KAZN: variants seen among roughly 807,000 people sequenced by gnomAD.
The protein encoded by KAZN is kazrin, periplakin interacting protein, also known as kazrin.
Under a neutral mutation model 87.4 loss-of-function variants are expected in KAZN, and 40 were observed. The observed-to-expected ratio is 0.46, with a 90% CI of 0.36 to 0.60. The LOEUF (loss-of-function observed/expected upper bound fraction) is 0.60, where lower values mean the gene tolerates loss of function less well. Among genes scored for constraint, KAZN ranks in the 20% least tolerant of loss-of-function variants. KAZN has a pLI of 0.00. For synonymous variants in KAZN, 466 were observed against 458.3 expected (o/e 1.02, Z -0.22); for missense variants, 898 against 1,073.9 (o/e 0.84, Z 2.29).
In KAZN at chr1:13,969,460, A is replaced by G. The variant is rs562275374; in HGVS notation, c.91+75704A>G. 1.4e-4 allele frequency among the ~76,000 whole-genome samples: 22 copies of G among 152,320 alleles called. No individual in the cohort carries two copies. The East Asian group carries it at 4.2e-3, about 29-fold the overall frequency. On this transcript the variant is annotated intron_variant, in intron 1 of 16. Coordinates refer to the KAZN transcript ENST00000636203. ...TGCCTCTACAAGCCAAGGAATGTCA[A>G]CCATTACCAGCAAACCACTGGAAGC...
Position 13,982,385 on chromosome 1 carries a change from C to T in KAZN, c.91+88629C>T, listed in dbSNP as rs147552195. 9.6e-3 allele frequency among the ~76,000 whole-genome samples: 1,462 copies of T among 152,330 alleles called. 26 individuals are homozygous for T. Among genetic ancestry groups the T allele is most frequent in the African/African-American group, 0.033 (1,368 of 41,572 alleles). ...CGGATGTGTTCGGAGTTTCTTCCTT[C>T]TGGTGGGTTCGTGGTCTAGCTGGCT... On this transcript the variant is annotated intron_variant, in intron 1 of 16. Coordinates refer to the KAZN transcript ENST00000636203.
intron 1 of KAZN, among the ~76,000 whole-genome samples, chr1:14,809,432 C>T (rs977871366): frequency 1.3e-5 from 2 of 152,220 alleles, no homozygotes; most frequent in African/African-American, 4.8e-5. Context: ...TTCCTGCTCA[C>T]ACCTATGTGC....
intron 2 of KAZN, among the ~76,000 whole-genome samples, chr1:14,367,379 CTCCAATG>C (rs1305428157): frequency 6.6e-6 from 1 of 152,210 alleles, no homozygotes; most frequent in African/African-American, 2.4e-5. Flanking sequence ...AGCTACTTCT[CTCCAATG>C]TCCAACTGTA....
intron 1 of KAZN, among the ~76,000 whole-genome samples, chr1:14,789,737 A>G: frequency 7.5e-6 from 1 of 132,556 alleles, no homozygotes; most frequent in Admixed American, 8.8e-5. Flanking sequence ...CTCTGAAGGC[A>G]AGGACTCTAA....
chr1:15,060,172 C>CG lies in KAZN; in HGVS notation c.919dup (p.Val307GlyfsTer66). The CG allele has an allele frequency of 6.2e-7, 1 of 1,614,042 alleles. No individual in the cohort carries two copies. The highest frequency in any genetic ancestry group is 8.5e-7 in the Non-Finnish European group (1 of 1,179,976). On this transcript the variant is annotated frameshift_variant and splice_region_variant, in exon 6 of 15. Transcript: ENST00000376030. LOFTEE classifies it high-confidence loss of function. ...CTCACCAGCTGTCCCTGCTTTCCAG[C>CG]GGTCAGGGTGAGCCCCTGCCACTCC...
intron 1 of KAZN, among the ~76,000 whole-genome samples, chr1:13,924,267 G>T (rs1640185532): frequency 6.6e-6 from 1 of 152,154 alleles, no homozygotes; most frequent in Non-Finnish European, 1.5e-5. Flanking sequence ...AGAAGACTTA[G>T]CAGTAAAACT....
chr1:14,210,039 G>A (rs377532937), intron 2 of KAZN, among the ~76,000 whole-genome samples: 15 of 152,132 alleles, frequency 9.9e-5, no homozygotes, highest in African/African-American at 3.4e-4. Flanking sequence ...CAGCGGTGGT[G>A]CTGGTTTCTG....
At chr1:14,834,838 T>C (rs1200566378) in intron 1 of KAZN, among the ~76,000 whole-genome samples, 3 of 149,602 alleles carry the variant, frequency 2.0e-5, no homozygotes, top group Non-Finnish European at 4.4e-5. Flanking sequence ...ATTAGTATTA[T>C]ATAATGATGA....
rs12071695 is a variant in KAZN at position 15,065,598 on chromosome 1, C to T, written c.1099-32C>T. On this transcript the variant is annotated intron_variant, in intron 7 of 14. Transcript: ENST00000376030. ...TAAGCTTGGCTTTCTTCTTCTCCCC[C>T]ACCCTCTTCCACGTGGCTCCTGACT... 62 of 1,569,274 alleles carry T rather than the reference C, an allele frequency of 4.0e-5. No homozygotes were observed. The Admixed American group carries it at 9.8e-4, about 25-fold the overall frequency.
At chr1:14,955,530 T>A (rs1345271047) in intron 1 of KAZN, among the ~76,000 whole-genome samples, 1 of 152,188 alleles carries the variant, frequency 6.6e-6, no homozygotes, top group Non-Finnish European at 1.5e-5. Context: ...TAAGCCTCTC[T>A]CTTTCCATGG....
At chr1:13,941,149 C>T (rs113426712) in intron 1 of KAZN, among the ~76,000 whole-genome samples, 4,612 of 152,000 alleles carry the variant, frequency 0.03, 217 homozygotes, top group African/African-American at 0.11. Flanking sequence ...GAGCCAAGAT[C>T]GCACCACTGC....
At chr1:14,301,961 C>T (rs1473789751) in intron 2 of KAZN, among the ~76,000 whole-genome samples, 1 of 152,168 alleles carries the variant, frequency 6.6e-6, no homozygotes, top group Non-Finnish European at 1.5e-5. Flanking sequence ...TACTTTTATA[C>T]TTATTTAATA....
chr1:13,961,914 G>A (rs370816711), intron 1 of KAZN, among the ~76,000 whole-genome samples: 7 of 152,142 alleles, frequency 4.6e-5, no homozygotes, highest in Non-Finnish European at 7.3e-5. Context: ...CTATTTGAAC[G>A]TGGCCCTGCC....
At chr1:14,113,316 CT>C (rs1644539080) in intron 1 of KAZN, among the ~76,000 whole-genome samples, 1 of 152,204 alleles carries the variant, frequency 6.6e-6, no homozygotes, top group Non-Finnish European at 1.5e-5. Flanking sequence ...CCCTGCCAAC[CT>C]TGTGATGTGT....
chr1:14,255,779 A>G (rs1432792914), intron 2 of KAZN, among the ~76,000 whole-genome samples: 1 of 152,194 alleles, frequency 6.6e-6, no homozygotes, highest in Admixed American at 6.5e-5. Context: ...CATTATGTCC[A>G]TTTTATAGAT....
chr1:14,205,929 GT>G (rs56146702), intron 2 of KAZN, among the ~76,000 whole-genome samples: 129,273 of 135,984 alleles, frequency 0.95, 61,535 homozygotes, highest in East Asian at 1. Flanking sequence ...TAAATGACGA[GT>G]TTAATGGGTG....
intron 1 of KAZN, among the ~76,000 whole-genome samples, chr1:14,694,140 G>A (rs1641473261): frequency 6.6e-6 from 1 of 152,202 alleles, no homozygotes. Flanking sequence ...CTGTGCTGAA[G>A]CTGCAAAACA....
chr1:14,392,015 T>C (rs1294072346), intron 2 of KAZN, among the ~76,000 whole-genome samples: 1 of 152,168 alleles, frequency 6.6e-6, no homozygotes, highest in African/African-American at 2.4e-5. Context: ...AACTCTGGCA[T>C]CCAGGAATAT....
rs143430072 is a variant in KAZN, at chr1:14,109,149, G to A, written c.92-71286G>A. Among the ~76,000 whole-genome samples, 28 of 152,306 alleles carry A rather than the reference G, an allele frequency of 1.8e-4. No individual in the cohort carries two copies. In the East Asian group the frequency reaches 3.9e-3, roughly 21 times the overall value. ...CTGCCTGGGTACCGAAGATTGTGGT[G>A]TGATGACTTAAGAGTGAAATGGAGC... is the stretch of plus-strand genomic sequence containing the variant. On this transcript the variant is annotated intron_variant, in intron 1 of 16. Transcript: ENST00000636203.
Sources: allele counts gnomAD v4.1 joint callset (sites outside exome capture counted in the v4.1 genomes callset), GRCh38; gene constraint gnomAD v4.1.1; transcripts MANE v1.5; gene names NCBI Gene and HGNC (gene_info 2026-07-23, HGNC 2026-07-21).